Variants in FRMD4B observed in about 807,000 individuals in gnomAD.
The protein encoded by FRMD4B is FERM domain-containing protein 4B.
In FRMD4B, 74 loss-of-function variants were observed where a neutral mutation model predicts 141.5. The ratio of observed to expected loss-of-function variants is 0.52; its 90% confidence interval spans 0.43 to 0.63. The LOEUF is 0.63. Ranked by LOEUF, FRMD4B falls within the 30% of genes least tolerant of loss-of-function variation. The pLI is 0.00. For missense variants in FRMD4B, 1,366 were observed against 1,253.4 expected (o/e 1.09, Z -1.36); for synonymous variants, 506 against 467.9 (o/e 1.08, Z -1.05).
intron 2 of FRMD4B, among the ~76,000 whole-genome samples, chr3:69,406,739 GT>G (rs869094932): frequency 1.2e-4 from 18 of 145,308 alleles, no homozygotes; most frequent in African/African-American, 1.5e-4. Flanking sequence ...TTTTGTTTTT[GT>G]TTTTTTTTTA....
intron 1 of FRMD4B, among the ~76,000 whole-genome samples, chr3:69,381,485 G>C (rs1222211070): frequency 6.6e-6 from 1 of 152,084 alleles, no homozygotes. Flanking sequence ...TTACAAACAA[G>C]ACTATTCAGA....
chr3:69,213,306 T>A (rs1019052097), intron 11 of FRMD4B, among the ~76,000 whole-genome samples: 1 of 151,830 alleles, frequency 6.6e-6, no homozygotes, highest in Non-Finnish European at 1.5e-5. Flanking sequence ...CCCTAAAGCA[T>A]TTTTTTGTAG....
rs77050323 is a variant in FRMD4B at position 69,538,885 on chromosome 3, A to G, written c.-129+3321T>C. Among the ~76,000 whole-genome samples the G allele has an allele frequency of 7.2e-3, 1,097 of 152,326 alleles. 11 individuals are homozygous for G. Among genetic ancestry groups the G allele is most frequent in the African/African-American group, 0.025 (1,024 of 41,570 alleles). On this transcript the variant is annotated intron_variant, in intron 1 of 5. Transcript: ENST00000459638. ...ATTATCCTCCAAAAGTCTTCCATCT[A>G]AAACAAATAACAACTACATTGAAAA...
rs1315802756 is a variant in FRMD4B at position 69,224,653 on chromosome 3, C to T, written c.619G>A (p.Ala207Thr). 1 of 1,583,048 alleles carries T rather than the reference C, an allele frequency of 6.3e-7. No individual in the cohort carries two copies. ...TCCTGAAGAGTTTTGGTTGGAAAGG[C>T]TGGTAATGTCTTTAAATCTTTCCTG... ...NARKDLKTLP[A>T]FPTKTLQEHP... is the part of the protein sequence containing the mutation. Residue 207 changes from alanine to threonine, a missense_variant, in exon 8 of 23, where the codon GCC becomes ACC. Coordinates refer to ENST00000398540, the MANE Select transcript of FRMD4B (RefSeq NM_015123.3).
At chr3:69,205,705 T>C (rs1025010971) in intron 11 of FRMD4B, among the ~76,000 whole-genome samples, 10 of 152,174 alleles carry the variant, frequency 6.6e-5, no homozygotes, top group African/African-American at 2.2e-4. Flanking sequence ...GTGCACAGAA[T>C]ATGATGCCCC....
intron 1 of FRMD4B, among the ~76,000 whole-genome samples, chr3:69,320,638 T>C (rs1701965768): frequency 6.6e-6 from 1 of 152,210 alleles, no homozygotes; most frequent in African/African-American, 2.4e-5. Flanking sequence ...ACAATGATTA[T>C]ATTTACAAAT....
chr3:69,447,410 A>G (rs998388202), intron 1 of FRMD4B, among the ~76,000 whole-genome samples: 70 of 152,348 alleles, frequency 4.6e-4, no homozygotes, highest in African/African-American at 1.6e-3. Flanking sequence ...GAGATATTGA[A>G]GAAGGCATTT....
intron 7 of FRMD4B, among the ~76,000 whole-genome samples, chr3:69,230,329 A>G (rs2093295535): frequency 6.6e-6 from 1 of 152,212 alleles, no homozygotes; most frequent in African/African-American, 2.4e-5. Flanking sequence ...GATGAAGTGC[A>G]ATAGGAACTC....
chr3:69,172,758 T>A (rs1313525876), intron 22 of FRMD4B, among the ~76,000 whole-genome samples: 1 of 152,174 alleles, frequency 6.6e-6, no homozygotes, highest in Admixed American at 6.5e-5. Flanking sequence ...GAGCATCCTA[T>A]CATACAAACC....
intron 21 of FRMD4B, among the ~76,000 whole-genome samples, chr3:69,180,079 A>G (rs2092688134): frequency 6.6e-6 from 1 of 152,118 alleles, no homozygotes; most frequent in African/African-American, 2.4e-5. Flanking sequence ...CAACCACAAC[A>G]TAGGTATATA....
At chr3:69,176,431 C>T (rs1322247182) in intron 22 of FRMD4B, 93 bp downstream of exon 22, 2 of 1,119,404 alleles carry the variant, frequency 1.8e-6, no homozygotes, top group African/African-American at 3.1e-5. Context: ...TTGCCAACCC[C>T]TGAACTAGAT....
chr3:69,186,535 G>C (rs1289797630), intron 19 of FRMD4B, among the ~76,000 whole-genome samples: 1 of 152,058 alleles, frequency 6.6e-6, no homozygotes, highest in African/African-American at 2.4e-5. Context: ...AACATGGTGA[G>C]ACCCTGTCTC....
intron 22 of FRMD4B, among the ~76,000 whole-genome samples, chr3:69,173,365 A>G (rs2107560705): frequency 6.6e-6 from 1 of 152,302 alleles, no homozygotes; most frequent in Non-Finnish European, 1.5e-5. Context: ...TAATTTTAAG[A>G]CCCGGATACT....
At chr3:69,241,760 T>C (rs2093385697) in intron 7 of FRMD4B, among the ~76,000 whole-genome samples, 1 of 152,052 alleles carries the variant, frequency 6.6e-6, no homozygotes, top group Non-Finnish European at 1.5e-5. Context: ...TAGCCAGGCA[T>C]GGTGGCTAAT....
chr3:69,217,363 G>C (rs183099341), intron 10 of FRMD4B, among the ~76,000 whole-genome samples: 1 of 152,152 alleles, frequency 6.6e-6, no homozygotes, highest in Admixed American at 6.5e-5. Flanking sequence ...GTTCATGCCT[G>C]TAATCCCAGC....
chr3:69,191,657 C>G (rs2092839150), intron 17 of FRMD4B, among the ~76,000 whole-genome samples: 1 of 152,192 alleles, frequency 6.6e-6, no homozygotes, highest in Non-Finnish European at 1.5e-5. Flanking sequence ...ATCAGACACA[C>G]AGTGGAGCTT....
intron 1 of FRMD4B, among the ~76,000 whole-genome samples, chr3:69,315,244 T>A (rs1293125041): frequency 1.3e-5 from 2 of 152,218 alleles, no homozygotes; most frequent in Admixed American, 1.3e-4. Flanking sequence ...AAACAATGCA[T>A]AGAATGCCAA....
At chr3:69,244,974 C>G (rs962199526) in intron 7 of FRMD4B, among the ~76,000 whole-genome samples, 6 of 152,074 alleles carry the variant, frequency 3.9e-5, no homozygotes, top group African/African-American at 1.4e-4. Flanking sequence ...TCTTTTTTCC[C>G]ATTATTTATA....
Position 69,196,932 on chromosome 3 carries a change from G to A in FRMD4B, c.1060C>T (p.His354Tyr), listed in dbSNP as rs1324288449. Reference sequence around the variant, plus strand: ...TGCTTCCGGTCCAAGTAAAACTGATGCTGACTAATTGCCATTACCCAAATG... The same window carrying A: ...TGCTTCCGGTCCAAGTAAAACTGATACTGACTAATTGCCATTACCCAAATG... ...KSIWVMAISQ[H>Y]QFYLDRKQSK... The change falls in exon 13 of 23, where the codon CAT becomes TAT. Residue 354 changes from histidine to tyrosine, a missense_variant. Coordinates refer to ENST00000398540, the MANE Select transcript of FRMD4B (RefSeq NM_015123.3). 8 of 1,611,156 alleles carry A rather than the reference G, an allele frequency of 5.0e-6. No homozygotes were observed. Among genetic ancestry groups the A allele is most frequent in the Non-Finnish European group, 6.8e-6 (8 of 1,177,476 alleles).
Sources: gnomAD v4.1 joint callset for allele counts (sites outside exome capture counted in the v4.1 genomes callset) on GRCh38, gnomAD v4.1.1 for gene constraint, MANE v1.5 for transcripts, NCBI Gene and HGNC (gene_info 2026-07-23, HGNC 2026-07-21) for gene names.